The following CCDC77 variants were observed in gnomAD, a reference collection of about 807,000 sequenced individuals.
CCDC77 encodes coiled-coil domain-containing protein 77.
Under a neutral mutation model 66.8 loss-of-function variants are expected in CCDC77, and 56 were observed. That is an observed-to-expected ratio of 0.84 (90% CI 0.68 to 1.05). CCDC77 has a LOEUF of 1.05. Ranked by LOEUF, CCDC77 falls within the 50% of genes least tolerant of loss-of-function variation. The pLI, the probability that CCDC77 is intolerant of heterozygous loss-of-function variation, is 0.00. For missense variants in CCDC77, 570 were observed against 576.8 expected (o/e 0.99, Z 0.12); for synonymous variants, 196 against 195.2 (o/e 1.00, Z -0.03).
intron 1 of CCDC77, 127 bp from the exon 2 acceptor site, chr12:405,384 A>C (rs556923273): frequency 2.0e-5 from 3 of 152,200 alleles, no homozygotes; most frequent in African/African-American, 7.2e-5. Context: ...TGAATATACT[A>C]AAAATCATTG....
At chr12:413,228 G>A (rs576187760) in intron 4 of CCDC77, among the ~76,000 whole-genome samples, 11 of 148,146 alleles carry the variant, frequency 7.4e-5, no homozygotes, top group African/African-American at 2.3e-4. Flanking sequence ...GTGAGCAACC[G>A]TGCCCGGCCT....
intron 8 of CCDC77, 33 bp downstream of exon 8, chr12:431,987 T>G: frequency 7.4e-7 from 1 of 1,350,046 alleles, no homozygotes; most frequent in Non-Finnish European, 1.1e-6. Context: ...CCAAGATGGC[T>G]TTTATCCACA....
chr12:410,589 G>A (rs896961868), intron 3 of CCDC77, among the ~76,000 whole-genome samples: 12 of 150,990 alleles, frequency 7.9e-5, no homozygotes, highest in Admixed American at 7.3e-4. Flanking sequence ...CCGCTATGTT[G>A]GCCAGGCTGG....
In CCDC77 at chr12:418,566, C is replaced by T. The variant is rs112747420; in HGVS notation, c.343C>T (p.Gln115Ter). The part of the protein sequence containing the change: ...AELQKALSDM[Q>*]VCLFQEREHV... ...ATTGCAGAAAGCTCTAAGTGATATGCAGGTCTGCCTCTTCCAGGAACGGGA... is the reference window on the plus strand; with the variant it reads ...ATTGCAGAAAGCTCTAAGTGATATGTAGGTCTGCCTCTTCCAGGAACGGGA... Residue 115 changes from glutamine (Q) to a stop codon, truncating the protein, a stop_gained, in exon 5 of 13, where the codon CAG becomes TAG. Transcript: ENST00000239830. LOFTEE classifies it high-confidence loss of function. 1.5e-5 allele frequency: 25 copies of T among 1,613,640 alleles called. No individual in the cohort carries two copies. In the Admixed American group the frequency reaches 2.3e-4, roughly 15 times the overall value.
Position 440,911 on chromosome 12 carries a change from G to A in CCDC77, c.1235G>A (p.Arg412Gln), listed in dbSNP as rs144736509. 27 of 1,613,620 alleles carry A rather than the reference G, an allele frequency of 1.7e-5. No homozygotes were observed. Among genetic ancestry groups the A allele is most frequent in the African/African-American group, 2.7e-5 (2 of 74,904 alleles). Residue 412 changes from arginine to glutamine, a missense_variant, in exon 12 of 13, where the codon CGA becomes CAA. By Grantham distance (43) the Arg-to-Gln change is conservative (BLOSUM62 1). Coordinates refer to ENST00000239830, the MANE Select transcript of CCDC77 (RefSeq NM_032358.4). ...MTKRYEALER[R>Q]RILEVEGFKT... ...AAACGCTATGAGGCATTGGAGCGTC[G>A]ACGTATCCTGGAAGTAGAAGGCTTT...
chr12:427,209 C>A (rs1032619061), intron 5 of CCDC77, among the ~76,000 whole-genome samples: 1 of 151,634 alleles, frequency 6.6e-6, no homozygotes, highest in African/African-American at 2.4e-5. Flanking sequence ...CATGCCATTG[C>A]ACTCCAGCCT....
In CCDC77 at chr12:433,155, C is replaced by A; in HGVS notation, c.673-19C>A. ...GTGGAAGTAGGGCTGGATTCCTCAC[C>A]CCTTTTTGGCCTGTCTAGGTGGAAG... On this transcript the variant is annotated intron_variant, in intron 8 of 12. Transcript: ENST00000239830. The A allele has an allele frequency of 6.3e-7, 1 of 1,597,718 alleles. No homozygotes were observed. Among genetic ancestry groups the A allele is most frequent in the South Asian group, 1.1e-5 (1 of 89,926 alleles).
At chr12:405,937 AAG>A (rs1336764259) in intron 2 of CCDC77, among the ~76,000 whole-genome samples, 2 of 141,188 alleles carry the variant, frequency 1.4e-5, no homozygotes, top group East Asian at 4.0e-4. Context: ...TTTTTTTTTT[AAG>A]AGAGGGTCTC....
At chr12:399,829 G>A (rs1333572461), upstream of CCDC77, among the ~76,000 whole-genome samples, 1 of 152,122 alleles carries the variant, frequency 6.6e-6, no homozygotes, top group African/African-American at 2.4e-5. Context: ...GGATGTAAAT[G>A]GGCACTGGCT....
In CCDC77 at chr12:433,202, A is replaced by T. The variant is rs1235157944; in HGVS notation, c.701A>T (p.Glu234Val). The stretch of plus-strand genomic sequence containing the variant: ...GAAGCACTGCAGGCTCAGCTGGGAG[A>T]GCAGACCAAACTTTCTCGAGAACAA... ...QVEALQAQLGEQTKLSREQIE... is the reference protein window; with the variant it reads ...QVEALQAQLGVQTKLSREQIE... The change falls in exon 9 of 13, where the codon GAG becomes GTG. Residue 234 changes from glutamate (E) to valine (V), a missense_variant. Glu to Val is a moderately radical substitution (Grantham distance 121). Coordinates refer to ENST00000239830, the MANE Select transcript of CCDC77 (RefSeq NM_032358.4). The T allele has an allele frequency of 6.2e-7, 1 of 1,613,854 alleles. No individual in the cohort carries two copies. Among genetic ancestry groups the T allele is most frequent in the Admixed American group, 1.7e-5 (1 of 59,984 alleles).
At chr12:402,695 A>C (rs1451313037) in intron 1 of CCDC77, among the ~76,000 whole-genome samples, 1 of 152,230 alleles carries the variant, frequency 6.6e-6, no homozygotes, top group East Asian at 1.9e-4. Flanking sequence ...TATTAAAGAA[A>C]ATGGTCCAGG....
At chr12:398,274 A>G (rs1944853661), upstream of CCDC77, among the ~76,000 whole-genome samples, 1 of 152,202 alleles carries the variant, frequency 6.6e-6, no homozygotes, top group Non-Finnish European at 1.5e-5. Flanking sequence ...GACTAAGTTT[A>G]TGGAATATTC....
intron 1 of CCDC77, among the ~76,000 whole-genome samples, chr12:391,740 C>G (rs1944758279): frequency 6.6e-6 from 1 of 152,202 alleles, no homozygotes; most frequent in Non-Finnish European, 1.5e-5. Context: ...TTTAAACTGT[C>G]TCTCTAGTAG....
upstream of CCDC77, among the ~76,000 whole-genome samples, chr12:399,412 C>T (rs538434122): frequency 1.1e-4 from 16 of 152,262 alleles, no homozygotes; most frequent in East Asian, 1.9e-4. Flanking sequence ...CCTGGTGATC[C>T]GCCCACCTCA....
chr12:430,099 T>A (rs1945623049), intron 6 of CCDC77, among the ~76,000 whole-genome samples: 1 of 152,198 alleles, frequency 6.6e-6, no homozygotes, highest in Non-Finnish European at 1.5e-5. Flanking sequence ...GTTCAAGTGA[T>A]TCTCCTGCCT....
intron 1 of CCDC77, among the ~76,000 whole-genome samples, chr12:396,516 A>G (rs879034509): frequency 2.0e-5 from 3 of 152,224 alleles, no homozygotes; most frequent in Admixed American, 2.0e-4. Context: ...ATATGCAAAT[A>G]ATATGCCATT....
intron 8 of CCDC77, among the ~76,000 whole-genome samples, chr12:432,852 C>G (rs1945677110): frequency 6.6e-6 from 1 of 152,256 alleles, no homozygotes; most frequent in South Asian, 2.1e-4. Flanking sequence ...GCCTGGACAA[C>G]ATAGTGAGAC....
chr12:413,785 A>G (rs1356731265), intron 4 of CCDC77, among the ~76,000 whole-genome samples: 2 of 151,234 alleles, frequency 1.3e-5, no homozygotes, highest in South Asian at 2.1e-4. Context: ...ACGCCACCAC[A>G]CCTGGCTAAT....
At chr12:410,725 T>C (rs1199350991) in intron 3 of CCDC77, among the ~76,000 whole-genome samples, 16 of 149,018 alleles carry the variant, frequency 1.1e-4, no homozygotes, top group South Asian at 4.3e-4. Flanking sequence ...TTTGTATTTT[T>C]GGTAGAGACT....
Sources: allele counts gnomAD v4.1 joint callset (sites outside exome capture counted in the v4.1 genomes callset), GRCh38; gene constraint gnomAD v4.1.1; transcripts MANE v1.5; gene names NCBI Gene and HGNC (gene_info 2026-07-23, HGNC 2026-07-21).